The following PPP2R2B variants were observed in gnomAD, a reference collection of about 807,000 sequenced individuals.
PPP2R2B encodes the protein serine/threonine-protein phosphatase 2A 55 kDa regulatory subunit B beta isoform.
Under a neutral mutation model 46.0 loss-of-function variants are expected in PPP2R2B, and 5 were observed. The observed-to-expected ratio is 0.11, with a 90% CI of 0.06 to 0.23. The LOEUF (loss-of-function observed/expected upper bound fraction) is 0.23. Ranked by LOEUF, PPP2R2B falls within the 10% of genes least tolerant of loss-of-function variation. The pLI is 1.00. For synonymous variants in PPP2R2B, 215 were observed against 206.7 expected (o/e 1.04, Z -0.34); for missense variants, 367 against 575.0 (o/e 0.64, Z 3.70).
chr5:146,767,643 A>T (rs1754570733), intron 2 of PPP2R2B, among the ~76,000 whole-genome samples: 1 of 151,836 alleles, frequency 6.6e-6, no homozygotes, highest in Admixed American at 6.6e-5. Flanking sequence ...TTTCCCATAC[A>T]CTCCCTGCTT....
At position 146,683,205 on chromosome 5, in the gene PPP2R2B, C is replaced by T. The variant is rs77665418; in HGVS notation, c.447+7923G>A. Among the ~76,000 whole-genome samples the T allele has an allele frequency of 8.7e-3, 1,321 of 152,304 alleles. 76 individuals carry two copies. In the East Asian group the frequency reaches 0.15, roughly 17 times the overall value. On this transcript the variant is annotated intron_variant, in intron 5 of 9. Coordinates refer to ENST00000394411, the MANE Select transcript of PPP2R2B (RefSeq NM_181675.4). ...TACCCCGCCTTTTCCCAAAATTAAA[C>T]AGAAAGCCCACCTGTGCCCAAGGCA...
At chr5:146,735,776 C>G (rs1752499108) in intron 2 of PPP2R2B, among the ~76,000 whole-genome samples, 2 of 152,160 alleles carry the variant, frequency 1.3e-5, no homozygotes, top group Admixed American at 1.3e-4. Flanking sequence ...CACCCACATT[C>G]AGAGATATAG....
At chr5:147,033,171 G>T (rs1236010797) in intron 1 of PPP2R2B, among the ~76,000 whole-genome samples, 4 of 152,300 alleles carry the variant, frequency 2.6e-5, no homozygotes, top group Admixed American at 1.3e-4. Flanking sequence ...CAGTAGAGAA[G>T]ATTACTGACC....
chr5:146,596,805 C>T (rs538441171), intron 8 of PPP2R2B, among the ~76,000 whole-genome samples: 14 of 152,230 alleles, frequency 9.2e-5, no homozygotes, highest in African/African-American at 2.2e-4. Flanking sequence ...ACAGGGAGTA[C>T]GATGGACCAC....
intron 2 of PPP2R2B, among the ~76,000 whole-genome samples, chr5:146,829,218 C>A (rs1758768290): frequency 6.6e-6 from 1 of 152,084 alleles, no homozygotes; most frequent in African/African-American, 2.4e-5. Flanking sequence ...AGAACACCAA[C>A]TCTTGTTTTT....
chr5:146,753,321 G>T (rs1346282483), intron 2 of PPP2R2B, among the ~76,000 whole-genome samples: 1 of 152,178 alleles, frequency 6.6e-6, no homozygotes, highest in African/African-American at 2.4e-5. Context: ...CTTCAAATTT[G>T]TGAGGGTATA....
intron 2 of PPP2R2B, among the ~76,000 whole-genome samples, chr5:146,780,173 C>A (rs761532014): frequency 6.6e-6 from 1 of 152,072 alleles, no homozygotes; most frequent in Non-Finnish European, 1.5e-5. Context: ...TAGAAACAAA[C>A]AAACAAAAAG....
chr5:146,979,076 A>G (rs1753043744), intron 1 of PPP2R2B, among the ~76,000 whole-genome samples: 1 of 152,074 alleles, frequency 6.6e-6, no homozygotes, highest in African/African-American at 2.4e-5. Flanking sequence ...TCCCATTTCT[A>G]CTTACTCTAC....
At chr5:147,008,623 G>A (rs1416136492) in intron 1 of PPP2R2B, among the ~76,000 whole-genome samples, 1 of 152,028 alleles carries the variant, frequency 6.6e-6, no homozygotes, top group Non-Finnish European at 1.5e-5. Context: ...TTCATGCTTT[G>A]AGATCTAGCT....
intron 2 of PPP2R2B, among the ~76,000 whole-genome samples, chr5:146,807,539 A>G (rs1757249051): frequency 6.6e-6 from 1 of 152,154 alleles, no homozygotes; most frequent in Non-Finnish European, 1.5e-5. Context: ...GCACAGTATT[A>G]AGTACTTTCA....
chr5:147,002,577 G>T (rs1420901129), intron 1 of PPP2R2B, among the ~76,000 whole-genome samples: 2 of 149,946 alleles, frequency 1.3e-5, no homozygotes, highest in Non-Finnish European at 2.9e-5. Context: ...CTTCTTTGTG[G>T]TCTAGGAGGA....
At chr5:146,713,741 A>C (rs1048119226) in intron 2 of PPP2R2B, among the ~76,000 whole-genome samples, 1 of 152,192 alleles carries the variant, frequency 6.6e-6, no homozygotes, top group Non-Finnish European at 1.5e-5. Flanking sequence ...TACAAGAATC[A>C]AGGATGATCC....
rs1444359373 is a variant in PPP2R2B, at chr5:146,624,876, G to A, written c.790+13375C>T. The stretch of plus-strand genomic sequence containing the variant: ...GCCCAGCTGGTCATCTTTCTGCCCT[G>A]TGACCTGCCAAGCACTGTCCAGATT... On this transcript the variant is annotated intron_variant, in intron 7 of 9. Coordinates refer to ENST00000394411, the MANE Select transcript of PPP2R2B (RefSeq NM_181675.4). Among the ~76,000 whole-genome samples, 3 of 152,160 alleles carry A rather than the reference G, an allele frequency of 2.0e-5. No homozygotes were observed. In the East Asian group the frequency reaches 5.8e-4, roughly 29 times the overall value.
intron 1 of PPP2R2B, among the ~76,000 whole-genome samples, chr5:146,933,595 G>A (rs1764037975): frequency 6.6e-6 from 1 of 151,748 alleles, no homozygotes; most frequent in African/African-American, 2.4e-5. Context: ...AGATTACCAA[G>A]CTTCCAGAGA....
At chr5:147,004,309 G>A (rs955546874) in intron 1 of PPP2R2B, among the ~76,000 whole-genome samples, 1 of 152,210 alleles carries the variant, frequency 6.6e-6, no homozygotes, top group South Asian at 2.1e-4. Context: ...TGGGCCAGAA[G>A]CCCCCAACCA....
At chr5:147,080,474 T>G (rs1019459482) in intron 2 of PPP2R2B, among the ~76,000 whole-genome samples, 1 of 151,816 alleles carries the variant, frequency 6.6e-6, no homozygotes, top group Non-Finnish European at 1.5e-5. Context: ...GTCATGGAGG[T>G]CTCCAAGCCC....
chr5:147,073,497 G>A (rs1757665203), intron 2 of PPP2R2B, among the ~76,000 whole-genome samples: 1 of 151,040 alleles, frequency 6.6e-6, no homozygotes, highest in Non-Finnish European at 1.5e-5. Flanking sequence ...TCCCCCTGTA[G>A]CCTACTAGGT....
intron 4 of PPP2R2B, 119 bp downstream of exon 4, chr5:146,697,860 G>A (rs1396105045): frequency 3.0e-6 from 3 of 987,984 alleles, no homozygotes; most frequent in Non-Finnish European, 4.3e-6. Flanking sequence ...TCTTGCAAAT[G>A]TTATTTCTAA....
intron 1 of PPP2R2B, among the ~76,000 whole-genome samples, chr5:146,994,303 A>C (rs1300382200): frequency 6.6e-6 from 1 of 152,160 alleles, no homozygotes; most frequent in Non-Finnish European, 1.5e-5. Flanking sequence ...CCAGCAAATA[A>C]GTGGCTGAGT....
Sources: allele counts gnomAD v4.1 joint callset (sites outside exome capture counted in the v4.1 genomes callset), GRCh38; gene constraint gnomAD v4.1.1; transcripts MANE v1.5; gene names NCBI Gene and HGNC (gene_info 2026-07-23, HGNC 2026-07-21).